KCNG2: variants seen among roughly 807,000 people sequenced by gnomAD.
The protein encoded by KCNG2 is voltage-gated potassium channel regulatory subunit KCNG2.
In KCNG2, 7 loss-of-function variants were observed where a neutral mutation model predicts 12.3. That is an observed-to-expected ratio of 0.57 (90% CI 0.32 to 1.07). The LOEUF (loss-of-function observed/expected upper bound fraction) is 1.07. Ranked by LOEUF, KCNG2 falls within the 50% of genes least tolerant of loss-of-function variation. The pLI is 0.04. For missense variants in KCNG2, 703 were observed against 726.0 expected, an observed-to-expected ratio of 0.97 and a Z score of 0.36; for synonymous variants, 414 against 351.4, an observed-to-expected ratio of 1.18 and a Z score of -1.99.
chr18:79,829,298 CTG>C (rs752927571), intron 1 of KCNG2, among the ~76,000 whole-genome samples: 4 of 150,498 alleles, frequency 2.7e-5, no homozygotes, highest in Non-Finnish European at 3.0e-5. Context: ...CTGCATGTAT[CTG>C]TGTGTGTGTC....
chr18:79,871,395 C>T (rs78401758), intron 3 of KCNG2, among the ~76,000 whole-genome samples: 131 of 152,336 alleles, frequency 8.6e-4, no homozygotes, highest in Non-Finnish European at 1.5e-3. Context: ...CAGAGTTGTC[C>T]TGGACCTGAG....
At chr18:79,848,556 A>C (rs1599389847) in intron 1 of KCNG2, among the ~76,000 whole-genome samples, 1 of 152,196 alleles carries the variant, frequency 6.6e-6, no homozygotes, top group Non-Finnish European at 1.5e-5. Flanking sequence ...TGTCTTAGCC[A>C]CACGCGAAAA....
intron 1 of KCNG2, among the ~76,000 whole-genome samples, chr18:79,837,225 C>T (rs1274389900): frequency 2.0e-5 from 3 of 152,224 alleles, no homozygotes; most frequent in Non-Finnish European, 2.9e-5. Flanking sequence ...GAGATGGTCT[C>T]CTTTGACTCC....
intron 1 of KCNG2, among the ~76,000 whole-genome samples, chr18:79,833,880 G>C (rs570628026): frequency 1.1e-4 from 17 of 152,312 alleles, no homozygotes; most frequent in Non-Finnish European, 2.2e-4. Flanking sequence ...TGAGTGCGCC[G>C]GGAAGAGAAA....
intron 3 of KCNG2, among the ~76,000 whole-genome samples, chr18:79,882,816 TGGAGCGCGGAGGCCG>T (rs1245111379): frequency 2.6e-5 from 4 of 151,384 alleles, no homozygotes; most frequent in Non-Finnish European, 4.4e-5. Flanking sequence ...CACCTGCGCG[TGGAGCGCGGAGGCCG>T]GGTACACCTG....
At chr18:79,870,738 C>T (rs1410301685) in intron 3 of KCNG2, among the ~76,000 whole-genome samples, 1 of 152,190 alleles carries the variant, frequency 6.6e-6, no homozygotes, top group African/African-American at 2.4e-5. Flanking sequence ...TTATAGATTT[C>T]ATGACTGGGA....
chr18:79,885,752 G>A (rs1193567022), intron 3 of KCNG2, among the ~76,000 whole-genome samples: 1 of 152,190 alleles, frequency 6.6e-6, no homozygotes, highest in African/African-American at 2.4e-5. Flanking sequence ...GGAGATGCCT[G>A]TGGGGACACA....
rs770094645 is a variant in KCNG2, at chr18:79,803,891, G to A, written c.-115+5877G>A. ...CTCCGTGTTGGTTTCTCCGGGGTTG[G>A]TGCCGGTGGATCAGAATCTTAGGCC... On this transcript the variant is annotated intron_variant, in intron 1 of 3. Transcript: ENST00000316249. This position sits in a 1 kb window ranked among gnomAD's most constrained non-coding sequence, Gnocchi z 4.5. 1.4e-4 allele frequency among the ~76,000 whole-genome samples: 22 copies of A among 152,310 alleles called. No individual in the cohort carries two copies. The highest frequency in any genetic ancestry group is 3.9e-4 in the Admixed American group (6 of 15,310).
chr18:79,891,179 A>G (rs945257083), intron 3 of KCNG2, among the ~76,000 whole-genome samples: 2 of 151,720 alleles, frequency 1.3e-5, no homozygotes, highest in African/African-American at 4.8e-5. Context: ...CTTCTTTCTT[A>G]TAGGCATTGA....
At chr18:79,866,119 G>C (rs918692869) in intron 3 of KCNG2, among the ~76,000 whole-genome samples, 2 of 147,004 alleles carry the variant, frequency 1.4e-5, no homozygotes, top group Non-Finnish European at 3.0e-5. Flanking sequence ...GGTGCTGAGA[G>C]GTCTGTGTTC....
intron 1 of KCNG2, chr18:79,816,535 T>G (rs886568352): frequency 1.4e-4 from 21 of 152,390 alleles, no homozygotes; most frequent in African/African-American, 4.3e-4. Flanking sequence ...TTTCCAAATG[T>G]GGACGGTGTG....
intron 1 of KCNG2, among the ~76,000 whole-genome samples, chr18:79,844,376 A>G (rs1978554871): frequency 6.6e-6 from 1 of 152,136 alleles, no homozygotes; most frequent in Non-Finnish European, 1.5e-5. Context: ...AGCAGAGAGA[A>G]TGGTGGTTGC....
intron 2 of KCNG2, among the ~76,000 whole-genome samples, chr18:79,859,163 C>T (rs1979127252): frequency 6.6e-6 from 1 of 152,138 alleles, no homozygotes; most frequent in South Asian, 2.1e-4. Context: ...TGAAGATGTA[C>T]AGTCTGTTTT....
chr18:79,848,167 A>G lies in KCNG2; in HGVS notation c.-114-8212A>G, dbSNP rs60051506. ...TGCCAGGGGCCAGTGATGAACGCCA[A>G]CCTCATCTGTCCTCGATCCCTGAGG... On this transcript the variant is annotated intron_variant, in intron 1 of 3. Coordinates refer to ENST00000316249, the MANE Select transcript of KCNG2 (RefSeq NM_012283.2). 5.4e-3 allele frequency among the ~76,000 whole-genome samples: 827 copies of G among 152,286 alleles called. 7 individuals carry two copies. The highest frequency in any genetic ancestry group is 0.018 in the African/African-American group (752 of 41,544).
chr18:79,863,008 G>A (rs1026078272), intron 2 of KCNG2, among the ~76,000 whole-genome samples: 1 of 152,234 alleles, frequency 6.6e-6, no homozygotes, highest in Non-Finnish European at 1.5e-5. Context: ...GTGCCCCACG[G>A]TTGGTGCAAG....
intron 3 of KCNG2, among the ~76,000 whole-genome samples, chr18:79,866,686 G>T (rs1424718974): frequency 1.4e-5 from 2 of 138,816 alleles, no homozygotes; most frequent in African/African-American, 5.3e-5. Context: ...AGAGGTCTGG[G>T]TGCTGAGAGG....
intron 3 of KCNG2, 39 bp downstream of exon 3, chr18:79,864,330 TG>T: frequency 1.8e-6 from 1 of 561,558 alleles, no homozygotes; most frequent in Non-Finnish European, 2.4e-6. Flanking sequence ...GGGCCGGAGC[TG>T]GGGCTGGGCT....
At chr18:79,839,410 A>G (rs1438997243) in intron 1 of KCNG2, among the ~76,000 whole-genome samples, 1 of 152,234 alleles carries the variant, frequency 6.6e-6, no homozygotes, top group African/African-American at 2.4e-5. Flanking sequence ...CCCTGTAGAC[A>G]TCAGAAGTGT....
chr18:79,864,537 T>C (rs1444399726), intron 3 of KCNG2, among the ~76,000 whole-genome samples: 1 of 152,168 alleles, frequency 6.6e-6, no homozygotes, highest in African/African-American at 2.4e-5. Flanking sequence ...GGCTCCAAGT[T>C]ACATTCGGTT....
Sources: gnomAD v4.1 joint callset for allele counts (sites outside exome capture counted in the v4.1 genomes callset) on GRCh38, gnomAD v4.1.1 for gene constraint, Gnocchi (gnomAD v3.1) non-coding constraint, MANE v1.5 for transcripts, NCBI Gene and HGNC (gene_info 2026-07-23, HGNC 2026-07-21) for gene names.